SPOCK3: variants seen among roughly 807,000 people sequenced by gnomAD.
The protein encoded by SPOCK3 is SPARC (osteonectin), cwcv and kazal like domains proteoglycan 3.
A neutral mutation model predicts 56.6 loss-of-function variants in SPOCK3; 30 were observed. The observed-to-expected ratio is 0.53, with a 90% CI of 0.40 to 0.72. The LOEUF is 0.72. Among genes scored for constraint, SPOCK3 ranks in the 30% least tolerant of loss-of-function variants. The pLI, the probability that SPOCK3 is intolerant of heterozygous loss-of-function variation, is 0.00. For missense variants in SPOCK3, 527 were observed against 530.0 expected (o/e 0.99, Z 0.06); for synonymous variants, 196 against 183.3 (o/e 1.07, Z -0.56).
At chr4:166,822,304 T>C (rs1302873846) in intron 6 of SPOCK3, among the ~76,000 whole-genome samples, 1 of 152,058 alleles carries the variant, frequency 6.6e-6, no homozygotes, top group Non-Finnish European at 1.5e-5. Context: ...TCTCACTGTC[T>C]CTTAATTTTC....
intron 2 of SPOCK3, among the ~76,000 whole-genome samples, chr4:167,141,257 A>T (rs904992451): frequency 6.6e-6 from 1 of 152,148 alleles, no homozygotes; most frequent in East Asian, 1.9e-4. Context: ...CAGTCATAAA[A>T]AAAAGGTTTT....
chr4:166,793,502 G>A (rs1741572401), intron 6 of SPOCK3, among the ~76,000 whole-genome samples: 1 of 152,202 alleles, frequency 6.6e-6, no homozygotes, highest in Non-Finnish European at 1.5e-5. Flanking sequence ...ACAAATTTGT[G>A]TTGGGTCGCA....
chr4:166,891,426 C>T (rs1256462404), intron 5 of SPOCK3, among the ~76,000 whole-genome samples: 1 of 151,894 alleles, frequency 6.6e-6, no homozygotes, highest in African/African-American at 2.4e-5. Context: ...TGTCAAGTGA[C>T]TCCTTAATGG....
rs1312081152 is a variant in SPOCK3 at position 166,755,976 on chromosome 4, C to T, written c.710-1247G>A. 5.2e-3 allele frequency among the ~76,000 whole-genome samples: 42 copies of T among 8,072 alleles called. 17 individuals are homozygous for T. Among genetic ancestry groups the T allele is most frequent in the African/African-American group, 0.019 (42 of 2,162 alleles). 5.3% of individuals were successfully genotyped at this position (8,072 alleles called of 152,430 possible). A position where few individuals can be genotyped will look rare whatever the true frequency, so the allele number is the denominator to read the frequency against. On this transcript the variant is annotated intron_variant, in intron 7 of 10. Transcript: ENST00000357545. ...ATTTCTGCATTTCCATCTGAGGTACCGGGTTCATCTCACTAGGGAGTGCCA... is the reference window on the plus strand; with the variant it reads ...ATTTCTGCATTTCCATCTGAGGTACTGGGTTCATCTCACTAGGGAGTGCCA...
chr4:166,973,155 A>G (rs1745573914), intron 4 of SPOCK3, among the ~76,000 whole-genome samples: 1 of 151,994 alleles, frequency 6.6e-6, no homozygotes, highest in African/African-American at 2.4e-5. Flanking sequence ...TGTTGCTTTA[A>G]AAGCATTTGA....
At chr4:167,039,431 A>G (rs1173291934) in intron 3 of SPOCK3, among the ~76,000 whole-genome samples, 1 of 152,186 alleles carries the variant, frequency 6.6e-6, no homozygotes, top group Non-Finnish European at 1.5e-5. Flanking sequence ...ACTTAAAATC[A>G]ATTATTAAGT....
intron 2 of SPOCK3, among the ~76,000 whole-genome samples, chr4:167,137,833 C>CA (rs987293420): frequency 5.3e-5 from 8 of 151,226 alleles, no homozygotes; most frequent in Non-Finnish European, 1.0e-4. Flanking sequence ...AATTCTGATG[C>CA]AAAAAAAATC....
chr4:166,881,095 A>T (rs17598700), intron 6 of SPOCK3, among the ~76,000 whole-genome samples: 1 of 152,070 alleles, frequency 6.6e-6, no homozygotes, highest in Non-Finnish European at 1.5e-5. Flanking sequence ...TTCAACATAT[A>T]CTTTTAAATT....
intron 10 of SPOCK3, among the ~76,000 whole-genome samples, chr4:166,736,606 T>A (rs1284789861): frequency 6.6e-6 from 1 of 152,090 alleles, no homozygotes; most frequent in Admixed American, 6.6e-5. Context: ...GCTTGAAGAA[T>A]ACATCTAAAT....
chr4:167,035,773 T>G (rs1752695242), intron 3 of SPOCK3, among the ~76,000 whole-genome samples: 1 of 152,190 alleles, frequency 6.6e-6, no homozygotes, highest in Admixed American at 6.5e-5. Context: ...CCTAAAAGAT[T>G]AGATGCCCTG....
intron 6 of SPOCK3, among the ~76,000 whole-genome samples, chr4:166,886,249 C>T (rs1275796141): frequency 6.6e-6 from 1 of 151,774 alleles, no homozygotes; most frequent in Non-Finnish European, 1.5e-5. Flanking sequence ...ATCTACTTTA[C>T]AAATAATACT....
chr4:167,012,527 G>C (rs932729944), intron 3 of SPOCK3, among the ~76,000 whole-genome samples: 1 of 151,924 alleles, frequency 6.6e-6, no homozygotes, highest in African/African-American at 2.4e-5. Context: ...TGATGAGATA[G>C]CTCTTTAGCA....
At chr4:167,171,879 G>A (rs1580509320) in intron 2 of SPOCK3, among the ~76,000 whole-genome samples, 1 of 151,410 alleles carries the variant, frequency 6.6e-6, no homozygotes, top group African/African-American at 2.4e-5. Context: ...TAAAAAAAAA[G>A]AAAAGAAAAA....
chr4:167,221,583 G>T (rs1735922070), intron 2 of SPOCK3, among the ~76,000 whole-genome samples: 1 of 152,070 alleles, frequency 6.6e-6, no homozygotes, highest in East Asian at 1.9e-4. Flanking sequence ...CTACTTTTAT[G>T]ATTGTTAAAA....
chr4:166,930,138 CTTTG>C (rs1457631690), intron 4 of SPOCK3, among the ~76,000 whole-genome samples: 1 of 151,920 alleles, frequency 6.6e-6, no homozygotes, highest in Non-Finnish European at 1.5e-5. Flanking sequence ...AATCGACTGA[CTTTG>C]TTTATAAAAA....
At chr4:166,908,898 C>G (rs1023828722) in intron 5 of SPOCK3, among the ~76,000 whole-genome samples, 1 of 152,028 alleles carries the variant, frequency 6.6e-6, no homozygotes, top group Non-Finnish European at 1.5e-5. Flanking sequence ...AGGCCTTCAT[C>G]TTTTGTGTCA....
At chr4:167,188,616 A>G (rs570269501) in intron 2 of SPOCK3, among the ~76,000 whole-genome samples, 1 of 145,644 alleles carries the variant, frequency 6.9e-6, no homozygotes, top group African/African-American at 2.6e-5. Flanking sequence ...TTGAGCCCCA[A>G]ATAAGCGAAA....
chr4:166,776,840 C>T (rs1295319968), intron 7 of SPOCK3, among the ~76,000 whole-genome samples: 1 of 152,028 alleles, frequency 6.6e-6, no homozygotes, highest in East Asian at 1.9e-4. Context: ...AATACATTAA[C>T]ATAAAGAAAT....
intron 4 of SPOCK3, among the ~76,000 whole-genome samples, chr4:166,946,564 A>C (rs980762505): frequency 6.6e-6 from 1 of 152,132 alleles, no homozygotes; most frequent in African/African-American, 2.4e-5. Context: ...CAGTACTTCA[A>C]ATCTTGGCTT....
Sources: gnomAD v4.1 joint callset for allele counts (sites outside exome capture counted in the v4.1 genomes callset) on GRCh38, gnomAD v4.1.1 for gene constraint, MANE v1.5 for transcripts, NCBI Gene and HGNC (gene_info 2026-07-23, HGNC 2026-07-21) for gene names.